Variants in NRXN3 observed in about 807,000 individuals in gnomAD.
NRXN3 encodes the protein neurexin 3, also known as neurexin III.
Under a neutral mutation model 137.6 loss-of-function variants are expected in NRXN3, and 32 were observed. The ratio of observed to expected loss-of-function variants is 0.23; its 90% confidence interval spans 0.18 to 0.31. NRXN3 has a LOEUF of 0.31. Ranked by LOEUF, NRXN3 falls within the 10% of genes least tolerant of loss-of-function variation. The pLI is 1.00. For missense variants in NRXN3, 1,574 were observed against 2,062.5 expected (o/e 0.76, Z 4.59); for synonymous variants, 798 against 784.5 (o/e 1.02, Z -0.29).
intron 2 of NRXN3, among the ~76,000 whole-genome samples, chr14:78,262,290 G>A (rs2070873007): frequency 6.6e-6 from 1 of 152,156 alleles, no homozygotes; most frequent in Admixed American, 6.6e-5. Flanking sequence ...AGGACTGACT[G>A]GGGTTGGGGA....
At chr14:79,593,678 C>G (rs2097833693) in intron 16 of NRXN3, among the ~76,000 whole-genome samples, 1 of 145,972 alleles carries the variant, frequency 6.9e-6, no homozygotes, top group African/African-American at 2.5e-5. Context: ...CAAGCAAACA[C>G]ATGAACCTAA....
chr14:79,160,444 G>A (rs139909337), intron 15 of NRXN3, among the ~76,000 whole-genome samples: 321 of 151,950 alleles, frequency 2.1e-3, no homozygotes, highest in African/African-American at 7.3e-3. Context: ...CTCACACATC[G>A]TGTGATTGTG....
At chr14:79,426,382 A>G (rs1451855257) in intron 15 of NRXN3, among the ~76,000 whole-genome samples, 2 of 152,134 alleles carry the variant, frequency 1.3e-5, no homozygotes. Flanking sequence ...ATTCACTCCC[A>G]TTGAAGCATT....
At chr14:79,146,138 G>T (rs2059280484) in intron 15 of NRXN3, among the ~76,000 whole-genome samples, 1 of 152,114 alleles carries the variant, frequency 6.6e-6, no homozygotes. Context: ...TGTTATGTAA[G>T]TCCCAATAGT....
chr14:78,915,345 C>CAAA (rs35908076), intron 10 of NRXN3, among the ~76,000 whole-genome samples: 846 of 11,180 alleles, frequency 0.076, 223 homozygotes, highest in Non-Finnish European at 0.11. Flanking sequence ...ACGTGTGAAG[C>CAAA]AAAAAAAAAA....
In NRXN3 at chr14:78,297,659, A is replaced by G. The variant is rs199516093; in HGVS notation, c.728-172A>G. Among the ~76,000 whole-genome samples the G allele has an allele frequency of 3.3e-5, 5 of 152,334 alleles. No homozygotes were observed. In the East Asian group the frequency reaches 9.6e-4, roughly 29 times the overall value. On this transcript the variant is annotated intron_variant, in intron 3 of 20. Coordinates refer to ENST00000335750, the MANE Select transcript of NRXN3 (RefSeq NM_001330195.2). ...GGTGTCCATGTTTGTTGCATGTCCC[A>G]GGGTATGTGCATGTGGAGTCTGACA...
intron 19 of NRXN3, among the ~76,000 whole-genome samples, chr14:79,762,426 T>C (rs2099041813): frequency 2.0e-5 from 3 of 151,570 alleles, no homozygotes; most frequent in African/African-American, 7.3e-5. Flanking sequence ...ATGGCTAATC[T>C]GTGGGTATGA....
At chr14:78,521,578 C>A (rs2096284474) in intron 4 of NRXN3, among the ~76,000 whole-genome samples, 1 of 152,046 alleles carries the variant, frequency 6.6e-6, no homozygotes, top group South Asian at 2.1e-4. Flanking sequence ...TTTATAGACT[C>A]TTGTATTAAT....
intron 15 of NRXN3, among the ~76,000 whole-genome samples, chr14:79,431,837 T>C (rs2153554034): frequency 6.6e-6 from 1 of 152,336 alleles, no homozygotes; most frequent in Non-Finnish European, 1.5e-5. Context: ...TACTAAATTA[T>C]GTTGACTCTT....
chr14:78,301,014 CAG>C (rs1448508105), intron 4 of NRXN3, among the ~76,000 whole-genome samples: 1 of 151,874 alleles, frequency 6.6e-6, no homozygotes, highest in Non-Finnish European at 1.5e-5. Flanking sequence ...ATTGAGGGAA[CAG>C]GGGAAGTATG....
Position 79,861,571 on chromosome 14 carries a change from C to A in NRXN3, c.4323C>A (p.Val1441=). 1 of 1,597,926 alleles carries A rather than the reference C, an allele frequency of 6.3e-7. No homozygotes were observed. Among genetic ancestry groups the A allele is most frequent in the Non-Finnish European group, 8.5e-7 (1 of 1,172,764 alleles). Reference sequence around the variant, plus strand: ...ATCTCAAACCCCAGCCTGATATAGTCTTGCTTCCGTTGCCCACTGCCTATG... The same window carrying A: ...ATCTCAAACCCCAGCCTGATATAGTATTGCTTCCGTTGCCCACTGCCTATG... The part of the protein sequence containing the change: ...NRDLKPQPDI[V]LLPLPTAYEL... The change falls in exon 21 of 21, where the codon GTC becomes GTA. Residue 1441 remains valine, a synonymous_variant. Coordinates refer to ENST00000335750, the MANE Select transcript of NRXN3 (RefSeq NM_001330195.2). This position sits in a 1 kb window ranked among gnomAD's most constrained non-coding sequence, Gnocchi z 5.4.
chr14:78,200,343 G>A (rs985832897), intron 1 of NRXN3, among the ~76,000 whole-genome samples: 2 of 152,228 alleles, frequency 1.3e-5, no homozygotes, highest in Non-Finnish European at 2.9e-5. Context: ...CATCGGTTGT[G>A]AATGTGCAAC....
intron 15 of NRXN3, among the ~76,000 whole-genome samples, chr14:79,154,440 A>G (rs2060071265): frequency 6.6e-6 from 1 of 151,992 alleles, no homozygotes; most frequent in Admixed American, 6.6e-5. Flanking sequence ...ACAAACATGT[A>G]CTGTTTGGCA....
At chr14:78,752,668 G>A (rs1008866847) in intron 8 of NRXN3, among the ~76,000 whole-genome samples, 2 of 152,164 alleles carry the variant, frequency 1.3e-5, no homozygotes, top group Admixed American at 6.5e-5. Flanking sequence ...GCGTGGGAAG[G>A]GTGTAGCAGG....
intron 16 of NRXN3, among the ~76,000 whole-genome samples, chr14:79,521,714 T>C (rs1438778638): frequency 6.6e-6 from 1 of 152,170 alleles, no homozygotes; most frequent in African/African-American, 2.4e-5. Flanking sequence ...TTCTGTATTG[T>C]CAGGGTTTAT....
At chr14:79,550,567 G>C (rs1758948747) in intron 16 of NRXN3, among the ~76,000 whole-genome samples, 1 of 152,176 alleles carries the variant, frequency 6.6e-6, no homozygotes, top group African/African-American at 2.4e-5. Context: ...CAAACACATT[G>C]AAATGAGTTT....
chr14:79,238,371 C>T (rs1445809550), intron 15 of NRXN3, among the ~76,000 whole-genome samples: 2 of 152,156 alleles, frequency 1.3e-5, no homozygotes, highest in Middle Eastern at 3.4e-3. Flanking sequence ...ATTTATCTAT[C>T]CCTATAGAGA....
chr14:78,469,605 G>A (rs929668045), intron 4 of NRXN3, among the ~76,000 whole-genome samples: 13 of 152,118 alleles, frequency 8.5e-5, no homozygotes, highest in Non-Finnish European at 1.3e-4. Flanking sequence ...TATACACTTC[G>A]AAGACCCAAC....
chr14:78,941,164 G>T (rs1008814317), intron 10 of NRXN3, among the ~76,000 whole-genome samples: 1 of 152,278 alleles, frequency 6.6e-6, no homozygotes, highest in South Asian at 2.1e-4. Flanking sequence ...CACTGGCCTC[G>T]TGGAGTTCAT....
Sources: allele counts gnomAD v4.1 joint callset (sites outside exome capture counted in the v4.1 genomes callset), GRCh38; gene constraint gnomAD v4.1.1; non-coding constraint Gnocchi (gnomAD v3.1); transcripts MANE v1.5; gene names NCBI Gene and HGNC (gene_info 2026-07-23, HGNC 2026-07-21).